ELMO1: variants seen among roughly 807,000 people sequenced by gnomAD.
ELMO1 encodes the protein engulfment and cell motility protein 1.
In ELMO1, 26 loss-of-function variants were observed where a neutral mutation model predicts 98.9. The observed-to-expected ratio is 0.26, with a 90% CI of 0.19 to 0.36. The LOEUF (loss-of-function observed/expected upper bound fraction) is 0.36, where lower values mean the gene tolerates loss of function less well. Among genes scored for constraint, ELMO1 ranks in the 10% least tolerant of loss-of-function variants. ELMO1 has a pLI of 1.00. For synonymous variants in ELMO1, 346 were observed against 346.0 expected (o/e 1.00, Z 0.00); for missense variants, 627 against 935.2 (o/e 0.67, Z 4.30).
chr7:37,344,184 A>G (rs1800873290), intron 1 of ELMO1, among the ~76,000 whole-genome samples: 1 of 151,888 alleles, frequency 6.6e-6, no homozygotes, highest in African/African-American at 2.4e-5. Flanking sequence ...GACGCACACC[A>G]CCACATCCGG....
At chr7:37,236,189 C>T (rs1171748073) in intron 7 of ELMO1, among the ~76,000 whole-genome samples, 2 of 152,188 alleles carry the variant, frequency 1.3e-5, no homozygotes, top group African/African-American at 4.8e-5. Context: ...CACTCCAGAG[C>T]TCTGTCTACA....
At chr7:37,031,862 T>C (rs1479772173) in intron 15 of ELMO1, among the ~76,000 whole-genome samples, 2 of 152,172 alleles carry the variant, frequency 1.3e-5, no homozygotes, top group Non-Finnish European at 2.9e-5. Context: ...TTCTTGATAG[T>C]GACAGTTAAT....
chr7:37,067,299 A>G (rs1797034177), intron 15 of ELMO1, among the ~76,000 whole-genome samples: 1 of 152,182 alleles, frequency 6.6e-6, no homozygotes, highest in South Asian at 2.1e-4. Flanking sequence ...TAAGAAATCA[A>G]CATGGAAAAA....
chr7:37,271,569 A>C (rs1796560528), intron 5 of ELMO1: 1 of 414,764 alleles, frequency 2.4e-6, no homozygotes, highest in Non-Finnish European at 4.3e-6. Context: ...GTTTTGAGAA[A>C]GTTTACGAAT....
intron 1 of ELMO1, among the ~76,000 whole-genome samples, chr7:37,436,370 A>G (rs1210398056): frequency 1.3e-5 from 2 of 152,236 alleles, no homozygotes; most frequent in African/African-American, 4.8e-5. Flanking sequence ...TTCACACTGA[A>G]GACTGTATAT....
At chr7:37,401,153 C>T (rs1359565955) in intron 1 of ELMO1, among the ~76,000 whole-genome samples, 1 of 152,190 alleles carries the variant, frequency 6.6e-6, no homozygotes, top group African/African-American at 2.4e-5. Flanking sequence ...CCTGCCCTCT[C>T]AAATCCCATT....
intron 16 of ELMO1, among the ~76,000 whole-genome samples, chr7:37,010,325 C>T (rs76102065): frequency 0.02 from 3,012 of 152,326 alleles, 106 homozygotes; most frequent in African/African-American, 0.069. Flanking sequence ...TTGGTGCCTG[C>T]ATTCCAATCC....
At chr7:37,189,333 G>C (rs1217017556) in intron 13 of ELMO1, among the ~76,000 whole-genome samples, 1 of 152,208 alleles carries the variant, frequency 6.6e-6, no homozygotes, top group Non-Finnish European at 1.5e-5. Context: ...ATGTGAACAT[G>C]AGCAGGGAAG....
chr7:36,876,682 G>T (rs1343358137), intron 19 of ELMO1, among the ~76,000 whole-genome samples: 1 of 152,092 alleles, frequency 6.6e-6, no homozygotes, highest in South Asian at 2.1e-4. Context: ...TTAGAGAACC[G>T]CTGGTCTAGC....
chr7:37,064,290 C>T (rs932972501), intron 15 of ELMO1, among the ~76,000 whole-genome samples: 6 of 152,196 alleles, frequency 3.9e-5, no homozygotes, highest in African/African-American at 1.4e-4. Flanking sequence ...GGTGATGCTG[C>T]ATCCTTCATA....
At chr7:37,417,118 G>A (rs1011690505) in intron 1 of ELMO1, among the ~76,000 whole-genome samples, 1 of 152,188 alleles carries the variant, frequency 6.6e-6, no homozygotes, top group Non-Finnish European at 1.5e-5. Flanking sequence ...GGAAACTGAG[G>A]CACAGAAGTT....
At chr7:37,358,365 A>G (rs933546057) in intron 1 of ELMO1, among the ~76,000 whole-genome samples, 1 of 152,246 alleles carries the variant, frequency 6.6e-6, no homozygotes, top group African/African-American at 2.4e-5. Flanking sequence ...ATTGTGCCAA[A>G]ACCAAACTAA....
chr7:36,984,744 C>T (rs1194398563), intron 16 of ELMO1, among the ~76,000 whole-genome samples: 4 of 152,156 alleles, frequency 2.6e-5, no homozygotes, highest in African/African-American at 4.8e-5. Flanking sequence ...AAATAGAAGA[C>T]ATCAAGTGTG....
At chr7:37,069,227 A>T (rs1188707143) in intron 15 of ELMO1, among the ~76,000 whole-genome samples, 1 of 152,184 alleles carries the variant, frequency 6.6e-6, no homozygotes, top group Non-Finnish European at 1.5e-5. Flanking sequence ...AGTAAGTCTA[A>T]CTAGAGACAA....
chr7:37,355,951 T>C (rs980221962), intron 1 of ELMO1, among the ~76,000 whole-genome samples: 2 of 152,172 alleles, frequency 1.3e-5, no homozygotes, highest in African/African-American at 4.8e-5. Context: ...CATCTGTCCT[T>C]TTCTGTCTGA....
intron 1 of ELMO1, among the ~76,000 whole-genome samples, chr7:37,423,659 A>T (rs899223485): frequency 2.6e-5 from 4 of 151,844 alleles, no homozygotes; most frequent in African/African-American, 9.7e-5. Flanking sequence ...ATTGATTCTT[A>T]TTTTTTTTAT....
At chr7:36,982,390 T>A (rs2129144567) in intron 16 of ELMO1, among the ~76,000 whole-genome samples, 1 of 152,332 alleles carries the variant, frequency 6.6e-6, no homozygotes, top group East Asian at 1.9e-4. Flanking sequence ...GGTAAAATAA[T>A]ACATATCATT....
At chr7:36,952,201 T>C (rs371895454) in intron 16 of ELMO1, among the ~76,000 whole-genome samples, 1 of 152,324 alleles carries the variant, frequency 6.6e-6, no homozygotes, top group African/African-American at 2.4e-5. Flanking sequence ...ACATGCATCC[T>C]GAGAAGAGGC....
chr7:36,947,826 G>A (rs1309660131), intron 16 of ELMO1, among the ~76,000 whole-genome samples: 1 of 151,998 alleles, frequency 6.6e-6, no homozygotes, highest in Non-Finnish European at 1.5e-5. Context: ...CCCTCTGCCT[G>A]GAATGTCCCA....
Sources: gnomAD v4.1 joint callset for allele counts (sites outside exome capture counted in the v4.1 genomes callset) on GRCh38, gnomAD v4.1.1 for gene constraint, MANE v1.5 for transcripts, NCBI Gene and HGNC (gene_info 2026-07-23, HGNC 2026-07-21) for gene names.